WDR19: variants seen among roughly 807,000 people sequenced by gnomAD.
WDR19 encodes WD repeat domain 19.
A neutral mutation model predicts 180.0 loss-of-function variants in WDR19; 121 were observed. That is an observed-to-expected ratio of 0.67 (90% CI 0.58 to 0.78). The LOEUF (loss-of-function observed/expected upper bound fraction) is 0.78. Ranked by LOEUF, WDR19 falls within the 30% of genes least tolerant of loss-of-function variation. WDR19 has a pLI of 0.00. For synonymous variants in WDR19, 497 were observed against 540.7 expected (o/e 0.92, Z 1.12); for missense variants, 1,450 against 1,640.7 (o/e 0.88, Z 2.01).
chr4:39,217,178 A>C lies in WDR19; in HGVS notation c.1294A>C (p.Ser432Arg). 1 of 1,609,340 alleles carries C rather than the reference A, an allele frequency of 6.2e-7. No homozygotes were observed. The part of the protein sequence containing the change: ...KDMEYLGTVA[S>R]ICLHSDYAAA... ...TATGGAGTATCTGGGAACAGTAGCC[A>C]GTATTTGCCTTCATTCTGACTATGC... is the stretch of plus-strand genomic sequence containing the variant. The change falls in exon 13 of 37, where the codon AGT becomes CGT. Residue 432 changes from serine (S) to arginine (R), a missense_variant. Coordinates refer to ENST00000399820, the MANE Select transcript of WDR19 (RefSeq NM_025132.4).
intron 17 of WDR19, among the ~76,000 whole-genome samples, chr4:39,230,960 T>C (rs186524724): frequency 6.6e-6 from 1 of 152,330 alleles, no homozygotes; most frequent in East Asian, 1.9e-4. Context: ...ATAGGGTCTC[T>C]ATCGCAGCTA....
chr4:39,199,697 G>A, intron 6 of WDR19, 104 bp downstream of exon 6: 1 of 880,490 alleles, frequency 1.1e-6, no homozygotes, highest in Non-Finnish European at 1.8e-6. Flanking sequence ...ATCTATATGT[G>A]AGGTATATAT....
chr4:39,189,465 G>A (rs995312868), intron 3 of WDR19, among the ~76,000 whole-genome samples, 191 bp from the exon 4 acceptor site: 4 of 152,016 alleles, frequency 2.6e-5, no homozygotes, highest in South Asian at 2.1e-4. Context: ...AAATTTTACC[G>A]TCCCCTCAAC....
At chr4:39,223,855 T>C (rs923979087) in intron 14 of WDR19, among the ~76,000 whole-genome samples, 3 of 152,240 alleles carry the variant, frequency 2.0e-5, no homozygotes, top group Admixed American at 1.3e-4. Flanking sequence ...TCTGTATAAA[T>C]TTTAGAATAA....
chr4:39,274,827 G>A lies in WDR19; in HGVS notation c.3585G>A (p.Thr1195=), dbSNP rs537597265. Residue 1195 remains threonine, a synonymous_variant, in exon 33 of 37, where the codon ACG becomes ACA. Transcript: ENST00000399820. ...TTGCAGACATTGTACCCATCCTGAC[G>A]TCAACTGTGATTGAGTGTCACAGGG... The part of the protein sequence containing the change: ...KFPSHIVPIL[T]STVIECHRAG... The A allele has an allele frequency of 9.9e-6, 16 of 1,613,776 alleles. No individual in the cohort carries two copies. The highest frequency in any genetic ancestry group is 3.3e-5 in the Admixed American group (2 of 60,016).
Position 39,285,621 on chromosome 4 carries a change from G to A in WDR19, c.*148G>A, listed in dbSNP as rs1737122445. On this transcript the variant is annotated 3_prime_UTR_variant, in exon 37 of 37. Coordinates refer to ENST00000399820, the MANE Select transcript of WDR19 (RefSeq NM_025132.4). ...CTCCAGGTCGGCACTTTCCACTTCT[G>A]TACGGTGGCAAAACGATGACATGTA... 1 of 152,206 alleles carries A rather than the reference G, an allele frequency of 6.6e-6. No homozygotes were observed. The highest frequency in any genetic ancestry group is 2.4e-5 in the African/African-American group (1 of 41,466). 9.4% of individuals were successfully genotyped at this position (152,206 alleles called of 1,614,324 possible). A position where few individuals can be genotyped will look rare whatever the true frequency, so the allele number is the denominator to read the frequency against.
intron 23 of WDR19, among the ~76,000 whole-genome samples, chr4:39,244,770 A>G (rs534498965): frequency 6.6e-6 from 1 of 152,246 alleles, no homozygotes; most frequent in East Asian, 1.9e-4. Flanking sequence ...AGAAATCCTT[A>G]ATCAGATAAA....
At chr4:39,259,232 T>C (rs1361532583) in intron 28 of WDR19, among the ~76,000 whole-genome samples, 2 of 152,216 alleles carry the variant, frequency 1.3e-5, no homozygotes, top group Non-Finnish European at 2.9e-5. Flanking sequence ...AGGATATTTC[T>C]TCTCAGTGTG....
rs186033756 is a variant in WDR19 at position 39,278,711 on chromosome 4, C to T, written c.*13+48C>T. 19 of 1,155,674 alleles carry T rather than the reference C, an allele frequency of 1.6e-5. 1 individual carries two copies. In the African/African-American group the frequency reaches 1.8e-4, roughly 11 times the overall value. 71.6% of individuals were successfully genotyped at this position (1,155,674 alleles called of 1,614,324 possible). On this transcript the variant is annotated intron_variant, in intron 36 of 36. Coordinates refer to ENST00000399820, the MANE Select transcript of WDR19 (RefSeq NM_025132.4). ...ACCTTCTGGGCGCAAGGGCCCACAG[C>T]GTGCACGCAGCTTTTCACTGTGTAT...
At chr4:39,225,701 C>T (rs1022709422) in intron 15 of WDR19, among the ~76,000 whole-genome samples, 1 of 152,084 alleles carries the variant, frequency 6.6e-6, no homozygotes, top group Non-Finnish European at 1.5e-5. Context: ...GTGCCTAGGT[C>T]TCACTGTGTT....
At chr4:39,227,963 G>A (rs1577932331) in intron 15 of WDR19, among the ~76,000 whole-genome samples, 1 of 151,998 alleles carries the variant, frequency 6.6e-6, no homozygotes, top group African/African-American at 2.4e-5. Flanking sequence ...AGACTTGTGG[G>A]TTCTCCTACA....
intron 24 of WDR19, among the ~76,000 whole-genome samples, chr4:39,247,188 G>A (rs185461465): frequency 1.1e-3 from 163 of 152,282 alleles, no homozygotes; most frequent in African/African-American, 3.4e-3. Flanking sequence ...AGCAGCATTT[G>A]CGGTTCACCA....
intron 20 of WDR19, among the ~76,000 whole-genome samples, chr4:39,238,347 A>G (rs572379894): frequency 6.6e-6 from 1 of 152,358 alleles, no homozygotes; most frequent in South Asian, 2.1e-4. Context: ...TCTGGGATTA[A>G]ACTAATGAGT....
At chr4:39,214,773 ATT>A (rs372720511) in intron 10 of WDR19, 102 bp downstream of exon 10, 6,319 of 491,962 alleles carry the variant, frequency 0.013, no homozygotes, top group South Asian at 0.018. Flanking sequence ...AGGAGGAATA[ATT>A]TTTTTTTTTT....
intron 26 of WDR19, among the ~76,000 whole-genome samples, chr4:39,255,606 C>T (rs1733669476): frequency 6.6e-6 from 1 of 151,634 alleles, no homozygotes; most frequent in South Asian, 2.1e-4. Flanking sequence ...GTATTACTAA[C>T]AAAAACCTTG....
chr4:39,268,151 C>G (rs1734997400), intron 30 of WDR19, 60 bp downstream of exon 30: 1 of 1,443,856 alleles, frequency 6.9e-7, no homozygotes, highest in African/African-American at 1.4e-5. Context: ...AGCCCCAGCC[C>G]CTTTTCTGTG....
chr4:39,234,870 A>T lies in WDR19; in HGVS notation c.2358A>T (p.Glu786Asp). 1 of 1,556,190 alleles carries T rather than the reference A, an allele frequency of 6.4e-7. No homozygotes were observed. The highest frequency in any genetic ancestry group is 8.7e-7 in the Non-Finnish European group (1 of 1,148,052). Reference protein sequence around the residue: ...FISKEYAIQLEFAGDYVNALA... With the variant: ...FISKEYAIQLDFAGDYVNALA... The stretch of plus-strand genomic sequence containing the variant: ...CAAAAGAATATGCTATTCAGCTTGA[A>T]TTCGCGTAAGTCTTTGTTTTTATAC... The change falls in exon 20 of 37, where the codon GAA becomes GAT. Residue 786 changes from glutamate (E) to aspartate (D), a missense_variant. Transcript: ENST00000399820.
At chr4:39,280,116 C>CTTTTTTTTTTTTTT (rs1736329750) in intron 36 of WDR19, among the ~76,000 whole-genome samples, 1 of 52,474 alleles carries the variant, frequency 1.9e-5, no homozygotes, top group Non-Finnish European at 4.4e-5. Flanking sequence ...TTTCCCTTTT[C>CTTTTTTTTTTTTTT]TTGTTTTTTT....
At position 39,248,824 on chromosome 4, in the gene WDR19, G is replaced by C. The variant is rs374843583; in HGVS notation, c.2729+3372G>C. On this transcript the variant is annotated intron_variant, in intron 24 of 36. Coordinates refer to ENST00000399820, the MANE Select transcript of WDR19 (RefSeq NM_025132.4). ...ACTAACTATCCTAAATATATATGCA[G>C]CCAATACAGGAGCACCCAGATTCAT... is the stretch of plus-strand genomic sequence containing the variant. Among the ~76,000 whole-genome samples, 588 of 152,176 alleles carry C rather than the reference G, an allele frequency of 3.9e-3. 3 individuals are homozygous for C. The highest frequency in any genetic ancestry group is 6.2e-3 in the Non-Finnish European group (424 of 67,994).
Sources: gnomAD v4.1 joint callset for allele counts (sites outside exome capture counted in the v4.1 genomes callset) on GRCh38, gnomAD v4.1.1 for gene constraint, MANE v1.5 for transcripts, NCBI Gene and HGNC (gene_info 2026-07-23, HGNC 2026-07-21) for gene names.